DYNC2H1: variants seen among roughly 807,000 people sequenced by gnomAD.
The protein encoded by DYNC2H1 is dynein cytoplasmic 2 heavy chain 1.
In DYNC2H1, 410 loss-of-function variants were observed where a neutral mutation model predicts 570.0. The observed-to-expected ratio is 0.72, with a 90% CI of 0.66 to 0.78. DYNC2H1 has a LOEUF of 0.78. Ranked by LOEUF, DYNC2H1 falls within the 30% of genes least tolerant of loss-of-function variation. DYNC2H1 has a pLI of 0.00. For missense variants in DYNC2H1, 4,865 were observed against 5,046.4 expected, an observed-to-expected ratio of 0.96 and a Z score of 1.09; for synonymous variants, 1,688 against 1,677.6, an observed-to-expected ratio of 1.01 and a Z score of -0.15.
intron 83 of DYNC2H1, among the ~76,000 whole-genome samples, chr11:103,365,543 A>C (rs1441156099): frequency 6.6e-6 from 1 of 152,168 alleles, no homozygotes; most frequent in East Asian, 1.9e-4. Context: ...TCCAAAATAC[A>C]TTTTTTGATC....
intron 59 of DYNC2H1, 89 bp downstream of exon 59, chr11:103,223,175 T>C: frequency 1.5e-6 from 2 of 1,292,804 alleles, no homozygotes; most frequent in Non-Finnish European, 2.0e-6. Context: ...ATTTTTTCTC[T>C]ATTTGTAAAA....
In DYNC2H1 at chr11:103,121,473, T is replaced by G. The variant is rs963520969; in HGVS notation, c.1462T>G (p.Trp488Gly). Residue 488 changes from tryptophan (W) to glycine (G), a missense_variant, in exon 10 of 89, where the codon TGG (tryptophan) becomes GGG (glycine). By Grantham distance (184) the Trp-to-Gly change is radical. Transcript: ENST00000375735. The part of the protein sequence containing the change: ...NLSEVVNSIV[W>G]VRQLELKVDD... ...TTCAGAAGTTGTCAACAGTATAGTT[T>G]GGGTTCGCCAGTTGGAATTGAAGGT... 5 of 1,612,770 alleles carry G rather than the reference T, an allele frequency of 3.1e-6. No homozygotes were observed. Among genetic ancestry groups the G allele is most frequent in the Non-Finnish European group, 4.2e-6 (5 of 1,179,408 alleles).
At chr11:103,233,926 A>G in intron 60 of DYNC2H1, 108 bp from the exon 61 acceptor site, 1 of 1,043,530 alleles carries the variant, frequency 9.6e-7, no homozygotes, top group East Asian at 2.9e-5. Flanking sequence ...CATTAATAGT[A>G]TTATCATTAA....
intron 47 of DYNC2H1, among the ~76,000 whole-genome samples, chr11:103,197,409 A>G (rs755138838): frequency 1.9e-4 from 29 of 152,000 alleles, no homozygotes; most frequent in Non-Finnish European, 3.8e-4. Flanking sequence ...CTTTTCAGGT[A>G]GAGTTTGATA....
chr11:103,216,519 A>G (rs1174764871), intron 55 of DYNC2H1, among the ~76,000 whole-genome samples: 1 of 152,112 alleles, frequency 6.6e-6, no homozygotes, highest in Non-Finnish European at 1.5e-5. Flanking sequence ...CTGGCAGGGC[A>G]TGGTCACTCA....
At chr11:103,458,415 T>C (rs1944870678) in intron 87 of DYNC2H1, among the ~76,000 whole-genome samples, 1 of 152,192 alleles carries the variant, frequency 6.6e-6, no homozygotes, top group Non-Finnish European at 1.5e-5. Context: ...TTTCTCAGAA[T>C]GTATTCCCAT....
Position 103,153,382 on chromosome 11 carries a change from A to T in DYNC2H1, c.3176A>T (p.Asp1059Val). Reference protein sequence around the residue: ...QELEKFKARWDQLKPGDDVIE... With the variant: ...QELEKFKARWVQLKPGDDVIE... ...CTGGAAAAATTTAAAGCTCGTTGGG[A>T]CCAACTAAAGCCTGGTGATGATGTT... The change falls in exon 22 of 89, where the codon GAC (aspartate) becomes GTC (valine). Residue 1059 changes from aspartate (D) to valine (V), a missense_variant. By Grantham distance (152) the Asp-to-Val change is radical (BLOSUM62 -3). This residue lies in a region of DYNC2H1 where 1,936 missense variants were observed against 1,962.1 expected (regional missense o/e 0.99). Transcript: ENST00000375735. 2 of 1,552,304 alleles carry T rather than the reference A, an allele frequency of 1.3e-6. No homozygotes were observed. Among genetic ancestry groups the T allele is most frequent in the Non-Finnish European group, 1.7e-6 (2 of 1,147,642 alleles).
At position 103,417,990 on chromosome 11, in the gene DYNC2H1, TAA is replaced by T. The variant is rs58195879; in HGVS notation, c.12367-17939_12367-17938del. Among the ~76,000 whole-genome samples the T allele has an allele frequency of 3.1e-3, 415 of 135,644 alleles. 1 individual carries two copies. The highest frequency in any genetic ancestry group is 0.011 in the African/African-American group (392 of 36,948). 89.0% of individuals were successfully genotyped at this position (135,644 alleles called of 152,430 possible). A position where few individuals can be genotyped will look rare whatever the true frequency, so the allele number is the denominator to read the frequency against. ...GAAAAATTTAACAGCTAGTCGTGAT[TAA>T]AAAAAAAAAAAAACTTTAGCAAACT... On this transcript the variant is annotated intron_variant, in intron 84 of 88. Transcript: ENST00000375735.
At position 103,461,666 on chromosome 11, in the gene DYNC2H1, T is replaced by C. The variant is rs1363304249; in HGVS notation, c.12648+5310T>C. 4.6e-5 allele frequency among the ~76,000 whole-genome samples: 7 copies of C among 152,100 alleles called. No homozygotes were observed. The highest frequency in any genetic ancestry group is 7.4e-5 in the Non-Finnish European group (5 of 67,990). On this transcript the variant is annotated intron_variant, in intron 87 of 88. Coordinates refer to ENST00000375735, the MANE Select transcript of DYNC2H1 (RefSeq NM_001377.3). The surrounding 1 kb of genome is among the most constrained non-coding windows in gnomAD (Gnocchi z 4.8). ...TGCTGAGCACATACGGGTACTATAT[T>C]GTAGCTCTGCATGGAACGGTCAATT...
In DYNC2H1 at chr11:103,255,469, A is replaced by T. The variant is rs372204188; in HGVS notation, c.10261A>T (p.Lys3421Ter). ...ACCTGATTTAGAAGAACAGAAAACA[A>T]AACTATTACAACAGGAAGAAGATAA... ...EKPDLEEQKT[K>*]LLQQEEDKKI... Residue 3421 changes from lysine to a stop codon, truncating the protein, a stop_gained, in exon 67 of 89, where the codon AAA becomes TAA. Transcript: ENST00000375735. LOFTEE classifies it high-confidence loss of function. 3 of 1,569,886 alleles carry T rather than the reference A, an allele frequency of 1.9e-6. No homozygotes were observed. In the South Asian group the frequency reaches 3.5e-5, roughly 18 times the overall value.
intron 21 of DYNC2H1, 80 bp downstream of exon 21, chr11:103,152,365 A>C: frequency 7.5e-7 from 1 of 1,332,468 alleles, no homozygotes. Flanking sequence ...ATTCCTTTAT[A>C]GCCCAGGTTT....
chr11:103,260,058 C>CCTG, intron 70 of DYNC2H1, 81 bp downstream of exon 70: 1 of 708,030 alleles, frequency 1.4e-6, no homozygotes, highest in Non-Finnish European at 2.1e-6. Flanking sequence ...TAGTATAACT[C>CCTG]TTTCCCTACT....
intron 56 of DYNC2H1, among the ~76,000 whole-genome samples, chr11:103,220,411 G>A (rs926022557): frequency 1.3e-5 from 2 of 152,058 alleles, no homozygotes; most frequent in East Asian, 3.9e-4. Flanking sequence ...TCCAAATTAG[G>A]TTATTGCAGT....
intron 83 of DYNC2H1, among the ~76,000 whole-genome samples, chr11:103,377,320 C>G (rs1380837799): frequency 6.6e-6 from 1 of 152,018 alleles, no homozygotes; most frequent in Non-Finnish European, 1.5e-5. Flanking sequence ...CTTATTTTTT[C>G]CCCCTTGGAC....
chr11:103,155,821 G>A (rs771867652), intron 25 of DYNC2H1, among the ~76,000 whole-genome samples: 26 of 152,072 alleles, frequency 1.7e-4, no homozygotes, highest in Non-Finnish European at 3.2e-4. Flanking sequence ...CATTCTGGCC[G>A]TTCAAAATTA....
chr11:103,141,431 C>G (rs1859920943), intron 17 of DYNC2H1, among the ~76,000 whole-genome samples: 1 of 152,172 alleles, frequency 6.6e-6, no homozygotes, highest in Non-Finnish European at 1.5e-5. Flanking sequence ...AGACAGGACC[C>G]TCAACTGTAG....
intron 74 of DYNC2H1, 125 bp downstream of exon 74, chr11:103,286,511 G>C: frequency 8.7e-7 from 1 of 1,153,630 alleles, no homozygotes. Context: ...TTTGGGGAAG[G>C]GCTTGATCCT....
chr11:103,115,419 A>G (rs1212672423), intron 4 of DYNC2H1, 124 bp downstream of exon 4: 1 of 570,150 alleles, frequency 1.8e-6, no homozygotes, highest in Admixed American at 3.5e-5. Flanking sequence ...GATTCTTTAT[A>G]TGGAGAAAAC....
intron 85 of DYNC2H1, among the ~76,000 whole-genome samples, chr11:103,443,748 TAA>T (rs1944343938): frequency 6.6e-6 from 1 of 151,906 alleles, no homozygotes; most frequent in South Asian, 2.1e-4. Context: ...TGAAATTTGA[TAA>T]GTGAGAAAAT....
Sources: allele counts gnomAD v4.1 joint callset (sites outside exome capture counted in the v4.1 genomes callset), GRCh38; gene constraint gnomAD v4.1.1; regional missense constraint gnomAD v4.1.1; non-coding constraint Gnocchi (gnomAD v3.1); transcripts MANE v1.5; gene names NCBI Gene and HGNC (gene_info 2026-07-23, HGNC 2026-07-21).